The following MTMR8 variants were observed in gnomAD, a reference collection of about 807,000 sequenced individuals.
MTMR8 encodes the protein myotubularin related protein 8, also known as phosphatidylinositol-3,5-bisphosphate 3-phosphatase MTMR8.
A neutral mutation model predicts 39.3 loss-of-function variants in MTMR8; 65 were observed. The observed-to-expected ratio is 1.65, with a 90% CI of 1.35 to 2.03. The LOEUF (loss-of-function observed/expected upper bound fraction) is 2.03. MTMR8 is among the 30% of genes most tolerant of loss of function. MTMR8 has a pLI of 0.00. For synonymous variants in MTMR8, 245 were observed against 185.2 expected (o/e 1.32, Z -2.62); for missense variants, 777 against 538.9 (o/e 1.44, Z -4.37).
At chrX:64,281,401 T>C (rs1398993664) in intron 12 of MTMR8, among the ~76,000 whole-genome samples, 1 of 111,212 alleles carries the variant, frequency 9.0e-6, no homozygotes, top group Non-Finnish European at 1.9e-5. Context: ...ACACCACACA[T>C]CTACTACCAT....
chrX:64,275,498 C>A (rs1478962551), intron 12 of MTMR8, among the ~76,000 whole-genome samples: 1 of 108,770 alleles, frequency 9.2e-6, no homozygotes, highest in Non-Finnish European at 1.9e-5. Flanking sequence ...GAGTTCGAGA[C>A]CAGCCTGGAC....
intron 12 of MTMR8, among the ~76,000 whole-genome samples, chrX:64,284,628 A>C (rs753484250): frequency 8.9e-6 from 1 of 112,295 alleles, no homozygotes; most frequent in Admixed American, 9.4e-5. Context: ...AGAATCTCTC[A>C]GCAGAAACTC....
intron 12 of MTMR8, among the ~76,000 whole-genome samples, chrX:64,286,182 A>G (rs1921167148): frequency 8.9e-6 from 1 of 112,360 alleles, no homozygotes. Context: ...CTACCATCAG[A>G]GAATACTATA....
chrX:64,279,655 G>T lies in MTMR8; in HGVS notation c.1482-8582C>A, dbSNP rs1427218713. ...TACATCCTAAAATTCATATGGAATT[G>T]CAAGGGACCCTGAATAGCAAAAACA... On this transcript the variant is annotated intron_variant, in intron 12 of 13. Coordinates refer to ENST00000374852, the MANE Select transcript of MTMR8 (RefSeq NM_017677.4). Among the ~76,000 whole-genome samples the T allele has an allele frequency of 5.4e-5, 6 of 111,797 alleles. No homozygotes were observed. The South Asian group carries it at 1.5e-3, about 28-fold the overall frequency.
At chrX:64,394,431 T>A (rs1306207397) in intron 1 of MTMR8, among the ~76,000 whole-genome samples, 1 of 112,085 alleles carries the variant, frequency 8.9e-6, no homozygotes, top group Non-Finnish European at 1.9e-5. Flanking sequence ...TCTTCTGGCT[T>A]CAAAATCCAT....
chrX:64,318,836 T>C (rs1922549316), intron 12 of MTMR8, among the ~76,000 whole-genome samples: 1 of 108,713 alleles, frequency 9.2e-6, no homozygotes, highest in African/African-American at 3.4e-5. Flanking sequence ...GCCTCCCAAG[T>C]AGCTGGGGTT....
intron 12 of MTMR8, among the ~76,000 whole-genome samples, chrX:64,285,140 A>C (rs1045567270): frequency 1.9e-4 from 21 of 111,611 alleles, no homozygotes; most frequent in African/African-American, 6.8e-4. Flanking sequence ...CTACCAAGCA[A>C]ATGGAAAACA....
rs148671616 is a variant in MTMR8 at position 64,371,101 on chromosome X, T to C, written c.25-11574A>G. On this transcript the variant is annotated intron_variant, in intron 1 of 13. Transcript: ENST00000374852. ...GAACTCAGGAGTTTGAGGCTGCGAT[T>C]GCACCATGACACTCCACACCAGCCT... Among the ~76,000 whole-genome samples the C allele has an allele frequency of 1.8e-3, 198 of 112,168 alleles. 1 individual carries two copies. Among genetic ancestry groups the C allele is most frequent in the Middle Eastern group, 0.014 (3 of 217 alleles).
intron 12 of MTMR8, among the ~76,000 whole-genome samples, chrX:64,322,619 C>T (rs776245438): frequency 8.9e-6 from 1 of 112,139 alleles, no homozygotes; most frequent in South Asian, 3.7e-4. Flanking sequence ...CAAGCTGCAG[C>T]TATACAGTGC....
At chrX:64,347,174 G>C (rs1024784968) in intron 6 of MTMR8, among the ~76,000 whole-genome samples, 1 of 110,727 alleles carries the variant, frequency 9.0e-6, no homozygotes, top group Non-Finnish European at 1.9e-5. Flanking sequence ...ATCCAGAAGA[G>C]AGGGAATGCC....
chrX:64,287,584 A>C (rs1341766366), intron 12 of MTMR8, among the ~76,000 whole-genome samples: 1 of 111,274 alleles, frequency 9.0e-6, no homozygotes, highest in African/African-American at 3.3e-5. Context: ...GGCTACAGTA[A>C]CCAAAACAGC....
Position 64,337,406 on chromosome X carries a change from G to A in MTMR8, c.976-13C>T, listed in dbSNP as rs1284213948. 8.3e-7 allele frequency: 1 copy of A among 1,204,579 alleles called. No homozygotes were observed. Among genetic ancestry groups the A allele is most frequent in the South Asian group, 1.8e-5 (1 of 55,611 alleles). ...CTACCTTCACTGCCTGTGAAGACAA[G>A]AGGCAAAAAAGTACCACAAGCAACC... is the stretch of plus-strand genomic sequence containing the variant. On this transcript the variant is annotated splice_polypyrimidine_tract_variant and intron_variant, in intron 8 of 13. Transcript: ENST00000374852.
At chrX:64,341,794 A>G (rs1035001810) in intron 8 of MTMR8, among the ~76,000 whole-genome samples, 2 of 112,070 alleles carry the variant, frequency 1.8e-5, no homozygotes, top group African/African-American at 6.5e-5. Context: ...GAAGGACATA[A>G]ACATTAAACT....
At chrX:64,308,213 A>G (rs1922183245) in intron 12 of MTMR8, among the ~76,000 whole-genome samples, 1 of 110,800 alleles carries the variant, frequency 9.0e-6, no homozygotes, top group Non-Finnish European at 1.9e-5. Context: ...GACGAAGCAT[A>G]ATACTTTTTT....
chrX:64,287,999 C>CAAAAAAA lies in MTMR8; in HGVS notation c.1482-16933_1482-16927dup, dbSNP rs869176366. Among the ~76,000 whole-genome samples, 13 of 8,291 alleles carry CAAAAAAA rather than the reference C, an allele frequency of 1.6e-3. 2 individuals are homozygous for CAAAAAAA. Among genetic ancestry groups the CAAAAAAA allele is most frequent in the Non-Finnish European group, 2.8e-3 (12 of 4,229 alleles). 7.2% of individuals were successfully genotyped at this position (8,291 alleles called of 115,157 possible). On this transcript the variant is annotated intron_variant, in intron 12 of 13. Transcript: ENST00000374852. Reference sequence around the variant, plus strand: ...ATTAAACTAAAGAGCTGCTACACAGCAAAAAAAAAAAAAAAAAAAAAAAAA... The same window carrying CAAAAAAA: ...ATTAAACTAAAGAGCTGCTACACAGCAAAAAAAAAAAAAAAAAAAAAAAAAAAAAAAA...
At chrX:64,357,836 T>G (rs978286331) in intron 2 of MTMR8, among the ~76,000 whole-genome samples, 5 of 111,690 alleles carry the variant, frequency 4.5e-5, no homozygotes, top group African/African-American at 1.6e-4. Context: ...CCAGTCAACA[T>G]GAGAGATGTG....
intron 12 of MTMR8, among the ~76,000 whole-genome samples, chrX:64,286,629 T>G (rs895272887): frequency 1.8e-5 from 2 of 111,802 alleles, no homozygotes; most frequent in African/African-American, 6.5e-5. Flanking sequence ...CAAGTGGGCT[T>G]TATCCCTGGG....
At chrX:64,269,629 G>A (rs1411176191) in intron 13 of MTMR8, among the ~76,000 whole-genome samples, 2 of 110,780 alleles carry the variant, frequency 1.8e-5, no homozygotes, top group South Asian at 3.9e-4. Context: ...GTGATTCTTT[G>A]GGGTCATACG....
intron 2 of MTMR8, among the ~76,000 whole-genome samples, chrX:64,359,170 A>G (rs1232204105): frequency 9.0e-6 from 1 of 111,336 alleles, no homozygotes; most frequent in Non-Finnish European, 1.9e-5. Flanking sequence ...TAATTTAGCT[A>G]AACCCCAGGA....
Sources: allele counts gnomAD v4.1 joint callset (sites outside exome capture counted in the v4.1 genomes callset), GRCh38; gene constraint gnomAD v4.1.1; transcripts MANE v1.5; gene names NCBI Gene and HGNC (gene_info 2026-07-23, HGNC 2026-07-21).